The following CAST variants were observed in gnomAD, a reference collection of about 807,000 sequenced individuals.
CAST encodes MIR583 host.
In CAST, 76 loss-of-function variants were observed where a neutral mutation model predicts 119.6. That is an observed-to-expected ratio of 0.64 (90% CI 0.53 to 0.77). CAST has a LOEUF of 0.77. Among genes scored for constraint, CAST ranks in the 30% least tolerant of loss-of-function variants. CAST has a pLI of 0.00. For missense variants in CAST, 953 were observed against 946.5 expected (o/e 1.01, Z -0.09); for synonymous variants, 319 against 331.6 (o/e 0.96, Z 0.41).
the CAST span, among the ~76,000 whole-genome samples, chr5:96,211,465 C>A: frequency 1.3e-5 from 2 of 151,956 alleles, no homozygotes; most frequent in Non-Finnish European, 2.9e-5. Context: ...ATTGAACTAA[C>A]CTTACATCCC....
chr5:96,649,583 T>C (rs1281209684), intron 1 of CAST, among the ~76,000 whole-genome samples: 1 of 152,224 alleles, frequency 6.6e-6, no homozygotes, highest in African/African-American at 2.4e-5. Flanking sequence ...GGTTTCCCCA[T>C]TGATCAATCA....
At chr5:96,358,260 G>T in the CAST span, among the ~76,000 whole-genome samples, 1 of 151,930 alleles carries the variant, frequency 6.6e-6, no homozygotes, top group Non-Finnish European at 1.5e-5. Context: ...TATCTATTTT[G>T]TTAATCTTTT....
chr5:96,164,236 A>G, the CAST span, among the ~76,000 whole-genome samples: 1 of 152,224 alleles, frequency 6.6e-6, no homozygotes, highest in Admixed American at 6.5e-5. Context: ...GTTGTACGTA[A>G]AGAAAGAATA....
At position 96,631,823 on chromosome 5, in the gene CAST, C is replaced by T. The variant is rs542426794; in HGVS notation, c.61-43716C>T. 8.5e-5 allele frequency among the ~76,000 whole-genome samples: 13 copies of T among 152,218 alleles called. 1 individual carries two copies. The South Asian group carries it at 1.5e-3, about 17-fold the overall frequency. On this transcript the variant is annotated intron_variant, in intron 1 of 11. Coordinates refer to the CAST transcript ENST00000505143. ...CTGGGATTACAGGCGTGAGCCACTG[C>T]GCCCGACTGCTTGTTTTCATTCTCT...
the CAST span, among the ~76,000 whole-genome samples, chr5:96,034,512 T>TCACACACACACAC: frequency 3.4e-4 from 6 of 17,468 alleles, no homozygotes; most frequent in South Asian, 2.1e-3. Context: ...CACACATATG[T>TCACACACACACAC]GTGTGTGTAT....
At chr5:96,410,998 G>A in the CAST span, 1 of 1,585,330 alleles carries the variant, frequency 6.3e-7, no homozygotes, top group Admixed American at 1.7e-5. Context: ...TAAAGGAAAA[G>A]CCAGAATGCA....
At chr5:96,462,886 C>T in the CAST span, among the ~76,000 whole-genome samples, 1 of 152,052 alleles carries the variant, frequency 6.6e-6, no homozygotes, top group Non-Finnish European at 1.5e-5. Flanking sequence ...CTTTCTCTTC[C>T]CTGCTGTCTT....
the CAST span, among the ~76,000 whole-genome samples, chr5:96,518,511 A>G: frequency 6.6e-6 from 1 of 152,160 alleles, no homozygotes; most frequent in Non-Finnish European, 1.5e-5. Flanking sequence ...CAAGGGTGGG[A>G]CCCATTTACA....
At chr5:96,611,072 G>T (rs775478169) in intron 1 of CAST, among the ~76,000 whole-genome samples, 1 of 152,004 alleles carries the variant, frequency 6.6e-6, no homozygotes, top group Non-Finnish European at 1.5e-5. Flanking sequence ...TGTCCATACT[G>T]CCCAAAGCAA....
the CAST span, among the ~76,000 whole-genome samples, chr5:96,316,521 A>C: frequency 4.6e-5 from 7 of 152,356 alleles, no homozygotes; most frequent in African/African-American, 1.4e-4. Flanking sequence ...CATGGGAAGC[A>C]CGGCAAAACT....
the CAST span, among the ~76,000 whole-genome samples, chr5:96,228,733 G>C: frequency 6.6e-6 from 1 of 152,148 alleles, no homozygotes; most frequent in East Asian, 1.9e-4. Context: ...AGTTTAATGT[G>C]TCAGCATGCT....
At chr5:96,446,485 C>T in the CAST span, among the ~76,000 whole-genome samples, 1 of 152,292 alleles carries the variant, frequency 6.6e-6, no homozygotes, top group South Asian at 2.1e-4. Flanking sequence ...AGATATTAAC[C>T]AGGGTTCCCC....
At chr5:96,513,271 G>A in the CAST span, among the ~76,000 whole-genome samples, 3 of 152,176 alleles carry the variant, frequency 2.0e-5, no homozygotes, top group African/African-American at 7.2e-5. Context: ...AGGCACTGGG[G>A]CTACCACAGC....
chr5:96,737,817 T>G, intron 10 of CAST, 32 bp from the exon 11 acceptor site: 1 of 1,257,276 alleles, frequency 8.0e-7, no homozygotes, highest in Non-Finnish European at 1.1e-6. Context: ...GTATAACAAA[T>G]AACATTTAAA....
chr5:96,469,956 A>G, the CAST span, among the ~76,000 whole-genome samples: 4 of 150,242 alleles, frequency 2.7e-5, no homozygotes, highest in Non-Finnish European at 4.4e-5. Context: ...GAACACTAAA[A>G]TTATTATAAA....
At chr5:96,737,082 G>A (rs1416717418) in intron 10 of CAST, among the ~76,000 whole-genome samples, 9 of 152,166 alleles carry the variant, frequency 5.9e-5, no homozygotes, top group Admixed American at 5.9e-4. Context: ...AGAACAGCAT[G>A]AAAATCGCCC....
the CAST span, among the ~76,000 whole-genome samples, chr5:96,181,022 A>G: frequency 6.6e-6 from 1 of 152,196 alleles, no homozygotes; most frequent in African/African-American, 2.4e-5. Context: ...ATTATTGAGT[A>G]CTTTTCTTTT....
chr5:96,397,589 G>A, the CAST span: 2 of 900,834 alleles, frequency 2.2e-6, no homozygotes, highest in Non-Finnish European at 3.6e-6. Context: ...TTCTCTTTTA[G>A]TATAAGACCA....
chr5:96,412,752 G>GTTTTTTTTTTTTTTTTTTTTT, the CAST span, among the ~76,000 whole-genome samples: 44 of 71,808 alleles, frequency 6.1e-4, 10 homozygotes, highest in African/African-American at 3.5e-3. Context: ...CAGCTGTGAT[G>GTTTTTTTTTTTTTTTTTTTTT]TTTTTTTTTT....
Sources: gnomAD v4.1 joint callset for allele counts (sites outside exome capture counted in the v4.1 genomes callset) on GRCh38, gnomAD v4.1.1 for gene constraint, MANE v1.5 for transcripts, NCBI Gene and HGNC (gene_info 2026-07-23, HGNC 2026-07-21) for gene names.